Variants in PLCB4 observed in about 807,000 individuals in gnomAD.
The protein encoded by PLCB4 is 1-phosphatidylinositol 4,5-bisphosphate phosphodiesterase beta-4.
PLCB4 carries 77 observed loss-of-function variants against 178.8 expected under a neutral mutation model. The observed-to-expected ratio is 0.43, with a 90% CI of 0.36 to 0.52. The LOEUF (loss-of-function observed/expected upper bound fraction) is 0.52, where lower values mean the gene tolerates loss of function less well. Ranked by LOEUF, PLCB4 falls within the 20% of genes least tolerant of loss-of-function variation. PLCB4 has a pLI of 0.00. For missense variants in PLCB4, 1,024 were observed against 1,453.4 expected (o/e 0.70, Z 4.80); for synonymous variants, 496 against 490.8 (o/e 1.01, Z -0.14).
At chr20:9,420,095 G>T (rs774670787) in intron 26 of PLCB4, among the ~76,000 whole-genome samples, 186 bp downstream of exon 26, 1 of 152,022 alleles carries the variant, frequency 6.6e-6, no homozygotes, top group African/African-American at 2.4e-5. Context: ...GCTACTTAAA[G>T]TGAAAGATAC....
At chr20:9,379,883 T>A (rs925369712) in intron 12 of PLCB4, among the ~76,000 whole-genome samples, 171 bp from the exon 13 acceptor site, 2 of 152,268 alleles carry the variant, frequency 1.3e-5, no homozygotes, top group South Asian at 4.1e-4. Context: ...AAATGTGGAC[T>A]TTTTGAAGTA....
intron 35 of PLCB4, 62 bp from the exon 36 acceptor site, chr20:9,468,509 A>G (rs2043958887): frequency 1.0e-6 from 1 of 965,582 alleles, no homozygotes; most frequent in Non-Finnish European, 1.7e-6. Flanking sequence ...GAATCTCTCT[A>G]CCCATTAAAC....
At chr20:9,285,252 A>G (rs2094527326) in intron 3 of PLCB4, among the ~76,000 whole-genome samples, 1 of 151,896 alleles carries the variant, frequency 6.6e-6, no homozygotes, top group Non-Finnish European at 1.5e-5. Flanking sequence ...ACCAGGGCAA[A>G]CCAGCCTTGT....
chr20:9,364,666 C>T (rs1382368901), intron 8 of PLCB4, among the ~76,000 whole-genome samples: 8 of 152,306 alleles, frequency 5.3e-5, no homozygotes, highest in African/African-American at 1.7e-4. Context: ...TAAAACATCC[C>T]GTTATTAAAG....
At chr20:9,284,451 A>G (rs1295159542) in intron 3 of PLCB4, among the ~76,000 whole-genome samples, 3 of 151,996 alleles carry the variant, frequency 2.0e-5, no homozygotes, top group African/African-American at 7.2e-5. Flanking sequence ...AAGGTCTTAC[A>G]GCGTGTTGTA....
intron 2 of PLCB4, among the ~76,000 whole-genome samples, chr20:9,171,943 C>T (rs1003731996): frequency 6.6e-6 from 1 of 152,094 alleles, no homozygotes; most frequent in Non-Finnish European, 1.5e-5. Flanking sequence ...ACATGATAAA[C>T]CTCATTTTCC....
intron 2 of PLCB4, among the ~76,000 whole-genome samples, chr20:9,117,798 A>ATAC (rs1177978236): frequency 6.6e-6 from 1 of 152,134 alleles, no homozygotes; most frequent in Non-Finnish European, 1.5e-5. Flanking sequence ...CCAGCTCATT[A>ATAC]TACTACTACC....
intron 35 of PLCB4, among the ~76,000 whole-genome samples, chr20:9,465,217 C>A (rs1486501151): frequency 6.6e-6 from 1 of 151,496 alleles, no homozygotes; most frequent in Non-Finnish European, 1.5e-5. Context: ...GCAGAAAAGG[C>A]CAACAAAATT....
intron 27 of PLCB4, among the ~76,000 whole-genome samples, chr20:9,422,667 T>C (rs1297015429): frequency 6.6e-6 from 1 of 152,244 alleles, no homozygotes; most frequent in Non-Finnish European, 1.5e-5. Context: ...TTCTGAGTCC[T>C]TCTCTGTTCT....
At chr20:9,286,093 T>C (rs2094534222) in intron 3 of PLCB4, among the ~76,000 whole-genome samples, 1 of 151,976 alleles carries the variant, frequency 6.6e-6, no homozygotes, top group South Asian at 2.1e-4. Context: ...CACTTTACCA[T>C]TAAAAGGAAT....
intron 3 of PLCB4, among the ~76,000 whole-genome samples, chr20:9,223,201 T>C (rs2093820778): frequency 1.3e-5 from 2 of 152,186 alleles, no homozygotes. Flanking sequence ...ATAATACTTT[T>C]ATGCAAACTC....
At chr20:9,439,150 T>C (rs1242753110) in intron 30 of PLCB4, among the ~76,000 whole-genome samples, 1 of 152,214 alleles carries the variant, frequency 6.6e-6, no homozygotes, top group Non-Finnish European at 1.5e-5. Flanking sequence ...CCACCATTTA[T>C]TGAGATCATG....
At chr20:9,250,269 G>A (rs2094166205) in intron 3 of PLCB4, among the ~76,000 whole-genome samples, 1 of 152,210 alleles carries the variant, frequency 6.6e-6, no homozygotes, top group Non-Finnish European at 1.5e-5. Flanking sequence ...TGGATGCCCT[G>A]TGCAGAGAGA....
At chr20:9,434,184 A>G (rs375895190) in intron 28 of PLCB4, among the ~76,000 whole-genome samples, 1 of 152,178 alleles carries the variant, frequency 6.6e-6, no homozygotes, top group East Asian at 1.9e-4. Context: ...GTTTCCCAAG[A>G]TATTTGACAT....
chr20:9,379,705 C>T (rs1332970182), intron 12 of PLCB4, among the ~76,000 whole-genome samples: 1 of 152,022 alleles, frequency 6.6e-6, no homozygotes, highest in Non-Finnish European at 1.5e-5. Flanking sequence ...AATATTTTGA[C>T]CTCACGTTTT....
intron 2 of PLCB4, among the ~76,000 whole-genome samples, chr20:9,153,302 T>A (rs1027766497): frequency 5.9e-5 from 9 of 152,146 alleles, no homozygotes; most frequent in Non-Finnish European, 1.3e-4. Context: ...TTTGCCTGTG[T>A]CCCCATCCAA....
chr20:9,166,405 A>G (rs749407104), intron 2 of PLCB4: 7 of 152,166 alleles, frequency 4.6e-5, no homozygotes, highest in Non-Finnish European at 8.8e-5. Flanking sequence ...GGGTAGTTGA[A>G]AGAGTCTCTC....
At chr20:9,179,338 A>G (rs1353905689) in intron 2 of PLCB4, among the ~76,000 whole-genome samples, 1 of 152,134 alleles carries the variant, frequency 6.6e-6, no homozygotes, top group Non-Finnish European at 1.5e-5. Context: ...TGCTGGCTTC[A>G]AAGGTGAAGT....
In PLCB4 at chr20:9,339,200, C is replaced by T. The variant is rs80302834; in HGVS notation, c.369+163C>T. Among the ~76,000 whole-genome samples, 1,505 of 152,112 alleles carry T rather than the reference C, an allele frequency of 9.9e-3. 13 individuals carry two copies. Among genetic ancestry groups the T allele is most frequent in the Middle Eastern group, 0.034 (10 of 294 alleles). On this transcript the variant is annotated intron_variant, in intron 7 of 39. Coordinates refer to ENST00000378473, the MANE Select transcript of PLCB4 (RefSeq NM_001377142.1). ...TGTAGAAAATCAGCAATTAAAATAC[C>T]CTTTTAGCATGTCACTCCTGTGGGC...
Sources: gnomAD v4.1 joint callset for allele counts (sites outside exome capture counted in the v4.1 genomes callset) on GRCh38, gnomAD v4.1.1 for gene constraint, MANE v1.5 for transcripts, NCBI Gene and HGNC (gene_info 2026-07-23, HGNC 2026-07-21) for gene names.